KCNJ3: variants seen among roughly 807,000 people sequenced by gnomAD.
KCNJ3 encodes the protein potassium inwardly rectifying channel subfamily J member 3.
KCNJ3 carries 4 observed loss-of-function variants against 39.2 expected under a neutral mutation model. The observed-to-expected ratio is 0.10, with a 90% CI of 0.05 to 0.23. The LOEUF is 0.23. Ranked by LOEUF, KCNJ3 falls within the 10% of genes least tolerant of loss-of-function variation. The pLI is 1.00. For missense variants in KCNJ3, 276 were observed against 634.9 expected (o/e 0.43, Z 6.08); for synonymous variants, 230 against 237.4 (o/e 0.97, Z 0.29).
At chr2:154,795,688 A>G (rs1211232697) in intron 2 of KCNJ3, among the ~76,000 whole-genome samples, 1 of 152,068 alleles carries the variant, frequency 6.6e-6, no homozygotes, top group Non-Finnish European at 1.5e-5. Context: ...TGTAGATGAA[A>G]TAAATTATGC....
intron 2 of KCNJ3, among the ~76,000 whole-genome samples, chr2:154,765,126 A>G (rs1338250374): frequency 6.6e-6 from 1 of 152,216 alleles, no homozygotes; most frequent in Non-Finnish European, 1.5e-5. Context: ...TCTACCCACC[A>G]TAGTGGCTGT....
intron 2 of KCNJ3, among the ~76,000 whole-genome samples, chr2:154,730,274 G>T (rs1344971708): frequency 6.6e-6 from 1 of 151,968 alleles, no homozygotes; most frequent in African/African-American, 2.4e-5. Flanking sequence ...TTAAAAAATT[G>T]AGTAGTTTTA....
Position 154,854,855 on chromosome 2 carries a change from G to A in KCNJ3, c.1048G>A (p.Glu350Lys). Residue 350 changes from glutamate (E) to lysine (K), a missense_variant, in exon 3 of 3, where the codon GAA (glutamate) becomes AAA (lysine). Physicochemically the swap from Glu to Lys is moderately conservative, Grantham distance 56 (BLOSUM62 1). This residue lies in a region of KCNJ3 where 126 missense variants were observed against 179.8 expected (regional missense o/e 0.70). Transcript: ENST00000295101. ...VDYSQFHATF[E>K]VPTPPYSVKE... ...TTACTCCCAGTTCCATGCAACATTT[G>A]AAGTCCCCACCCCACCTTACAGTGT... The A allele has an allele frequency of 6.2e-7, 1 of 1,613,870 alleles. No homozygotes were observed. Among genetic ancestry groups the A allele is most frequent in the Non-Finnish European group, 8.5e-7 (1 of 1,179,910 alleles).
intron 2 of KCNJ3, among the ~76,000 whole-genome samples, chr2:154,793,428 C>G (rs1236166204): frequency 1.3e-5 from 2 of 151,952 alleles, no homozygotes; most frequent in Non-Finnish European, 2.9e-5. Context: ...TATATACAAA[C>G]AGATGAAAAC....
At chr2:154,849,131 T>TATC (rs1369375629) in intron 2 of KCNJ3, among the ~76,000 whole-genome samples, 1 of 152,192 alleles carries the variant, frequency 6.6e-6, no homozygotes, top group African/African-American at 2.4e-5. Flanking sequence ...GTGATGCTAC[T>TATC]ATCTTGTATC....
chr2:154,788,979 C>T (rs1216929813), intron 2 of KCNJ3, among the ~76,000 whole-genome samples: 1 of 152,026 alleles, frequency 6.6e-6, no homozygotes, highest in Non-Finnish European at 1.5e-5. Context: ...TGGTTTATGA[C>T]TCTCATTCTG....
chr2:154,792,351 A>G (rs1319544049), intron 2 of KCNJ3, among the ~76,000 whole-genome samples: 18 of 152,060 alleles, frequency 1.2e-4, no homozygotes, highest in Admixed American at 1.2e-3. Flanking sequence ...CACTGAATAT[A>G]CAATCTCTAC....
chr2:154,726,834 C>T (rs201570245), intron 2 of KCNJ3, among the ~76,000 whole-genome samples: 1 of 139,692 alleles, frequency 7.2e-6, no homozygotes, highest in Non-Finnish European at 1.5e-5. Flanking sequence ...CACACACACA[C>T]ATACACCATG....
chr2:154,838,950 ATT>A lies in KCNJ3; in HGVS notation c.920-15775_920-15774del, dbSNP rs540795121. Among the ~76,000 whole-genome samples, 1,377 of 152,040 alleles carry A rather than the reference ATT, an allele frequency of 9.1e-3. 11 individuals carry two copies. Among genetic ancestry groups the A allele is most frequent in the African/African-American group, 0.032 (1,316 of 41,496 alleles). On this transcript the variant is annotated intron_variant, in intron 2 of 2. Coordinates refer to ENST00000295101, the MANE Select transcript of KCNJ3 (RefSeq NM_002239.4). The stretch of plus-strand genomic sequence containing the variant: ...TTAAGCTAGAAATTTTTATGTATGT[ATT>A]TATTTTTATTATACTTTAAGTTCTA...
At chr2:154,732,351 T>G (rs533379705) in intron 2 of KCNJ3, among the ~76,000 whole-genome samples, 2 of 152,268 alleles carry the variant, frequency 1.3e-5, no homozygotes, top group Non-Finnish European at 2.9e-5. Context: ...TCACTTGTTA[T>G]TTACTTTACT....
At chr2:154,809,648 A>T (rs1285655085) in intron 2 of KCNJ3, among the ~76,000 whole-genome samples, 1 of 152,166 alleles carries the variant, frequency 6.6e-6, no homozygotes, top group African/African-American at 2.4e-5. Flanking sequence ...AGAAAGGTCC[A>T]TTGTCTGTTT....
intron 2 of KCNJ3, among the ~76,000 whole-genome samples, chr2:154,763,686 G>A (rs987251816): frequency 1.3e-5 from 2 of 152,098 alleles, no homozygotes; most frequent in African/African-American, 4.8e-5. Flanking sequence ...TGATATGGTA[G>A]GATCTTGCAT....
intron 2 of KCNJ3, among the ~76,000 whole-genome samples, chr2:154,807,209 C>T: frequency 6.6e-6 from 1 of 152,110 alleles, no homozygotes. Context: ...CTGAGGACTA[C>T]AGGATTGATT....
intron 2 of KCNJ3, among the ~76,000 whole-genome samples, chr2:154,762,187 C>T (rs1686057687): frequency 6.6e-6 from 1 of 152,110 alleles, no homozygotes; most frequent in Non-Finnish European, 1.5e-5. Flanking sequence ...TGATTTAAGC[C>T]ATTAAGTTTG....
At chr2:154,832,310 G>A (rs1404638870) in intron 2 of KCNJ3, among the ~76,000 whole-genome samples, 1 of 152,172 alleles carries the variant, frequency 6.6e-6, no homozygotes. Flanking sequence ...TTGTGATAGT[G>A]AGAGTCCCTG....
intron 2 of KCNJ3, among the ~76,000 whole-genome samples, chr2:154,818,918 C>CTT (rs57668487): frequency 0.013 from 659 of 52,422 alleles, 55 homozygotes; most frequent in Middle Eastern, 0.026. Context: ...CTGCAAAAGC[C>CTT]TTTTTTTTTT....
intron 2 of KCNJ3, among the ~76,000 whole-genome samples, chr2:154,780,932 A>C (rs2105203258): frequency 6.6e-6 from 1 of 152,334 alleles, no homozygotes; most frequent in Non-Finnish European, 1.5e-5. Context: ...AAATTAAGGC[A>C]GCAGAAGGAA....
At chr2:154,847,998 T>C (rs1026624117) in intron 2 of KCNJ3, among the ~76,000 whole-genome samples, 4 of 152,146 alleles carry the variant, frequency 2.6e-5, no homozygotes, top group Non-Finnish European at 5.9e-5. Context: ...CTTATAGTGA[T>C]ACCAAAAGGC....
intron 2 of KCNJ3, among the ~76,000 whole-genome samples, chr2:154,777,937 G>C (rs1021340367): frequency 5.3e-5 from 8 of 152,092 alleles, no homozygotes; most frequent in African/African-American, 1.9e-4. Flanking sequence ...GCAAAAATCA[G>C]TTCAATAAAC....
Sources: gnomAD v4.1 joint callset for allele counts (sites outside exome capture counted in the v4.1 genomes callset) on GRCh38, gnomAD v4.1.1 for gene constraint, gnomAD v4.1.1 regional missense constraint, MANE v1.5 for transcripts, NCBI Gene and HGNC (gene_info 2026-07-23, HGNC 2026-07-21) for gene names.